Variants in ZNF438 observed in about 807,000 individuals in gnomAD.
ZNF438 encodes zinc finger protein 438.
A neutral mutation model predicts 38.0 loss-of-function variants in ZNF438; 25 were observed. The ratio of observed to expected loss-of-function variants is 0.66; its 90% CI spans 0.48 to 0.92. The LOEUF (loss-of-function observed/expected upper bound fraction) is 0.92, where lower values mean the gene tolerates loss of function less well. Among genes scored for constraint, ZNF438 ranks in the 40% least tolerant of loss-of-function variants. The pLI, the probability that ZNF438 is intolerant of heterozygous loss-of-function variation, is 0.00. For missense variants in ZNF438, 1,007 were observed against 999.6 expected, an observed-to-expected ratio of 1.01 and a Z score of -0.10; for synonymous variants, 372 against 364.1, an observed-to-expected ratio of 1.02 and a Z score of -0.25.
intron 1 of ZNF438, among the ~76,000 whole-genome samples, chr10:31,005,281 G>A (rs188199959): frequency 3.1e-4 from 47 of 152,080 alleles, no homozygotes; most frequent in Non-Finnish European, 2.9e-4. Flanking sequence ...ATGTGTGTGT[G>A]TATATATATA....
chr10:30,878,407 G>C (rs921381578), intron 3 of ZNF438, among the ~76,000 whole-genome samples: 7 of 152,068 alleles, frequency 4.6e-5, no homozygotes, highest in Admixed American at 2.6e-4. Context: ...TCTGACTTCA[G>C]GGAAGATTAC....
At chr10:30,856,421 C>T (rs1209547352) in intron 4 of ZNF438, among the ~76,000 whole-genome samples, 1 of 152,048 alleles carries the variant, frequency 6.6e-6, no homozygotes, top group African/African-American at 2.4e-5. Context: ...AACAGGAGTC[C>T]TTACAGAAGC....
chr10:30,923,319 T>C (rs1472155965), intron 2 of ZNF438: 1 of 152,188 alleles, frequency 6.6e-6, no homozygotes, highest in Non-Finnish European at 1.5e-5. Flanking sequence ...GACCTCACTG[T>C]TTTTCCTGTA....
At chr10:30,896,192 A>C (rs1268406413) in intron 3 of ZNF438, among the ~76,000 whole-genome samples, 3 of 150,124 alleles carry the variant, frequency 2.0e-5, no homozygotes, top group Non-Finnish European at 4.4e-5. Flanking sequence ...GATACTTGGG[A>C]GGCTGAGGCA....
intron 3 of ZNF438, among the ~76,000 whole-genome samples, chr10:30,897,587 G>C (rs571338282): frequency 2.6e-5 from 4 of 152,286 alleles, no homozygotes; most frequent in Admixed American, 1.3e-4. Context: ...CATTAACAAA[G>C]CTGGCCTGAA....
intron 1 of ZNF438, among the ~76,000 whole-genome samples, chr10:30,984,747 TAA>T (rs2052585953): frequency 3.3e-5 from 5 of 152,222 alleles, no homozygotes; most frequent in African/African-American, 1.2e-4. Context: ...TGGAAATTAG[TAA>T]ACAGTCACAA....
intron 3 of ZNF438, among the ~76,000 whole-genome samples, chr10:30,902,952 G>A (rs574150798): frequency 1.4e-4 from 22 of 151,890 alleles, no homozygotes; most frequent in South Asian, 1.3e-3. Context: ...CCTTCCCTGC[G>A]GGGAGGCAGC....
At chr10:30,978,840 C>T (rs937595543) in intron 1 of ZNF438, among the ~76,000 whole-genome samples, 2 of 152,224 alleles carry the variant, frequency 1.3e-5, no homozygotes, top group African/African-American at 2.4e-5. Flanking sequence ...GGCTTCAAGT[C>T]ACCAGCTGCA....
intron 3 of ZNF438, among the ~76,000 whole-genome samples, chr10:30,901,177 C>T (rs1335328237): frequency 6.6e-6 from 1 of 152,226 alleles, no homozygotes; most frequent in Non-Finnish European, 1.5e-5. Flanking sequence ...CACACTCTTT[C>T]CCATGAGATC....
At chr10:30,851,554 T>A (rs1013552412) in intron 4 of ZNF438, among the ~76,000 whole-genome samples, 1 of 152,242 alleles carries the variant, frequency 6.6e-6, no homozygotes, top group African/African-American at 2.4e-5. Context: ...ATTTTCAAAT[T>A]TTGGAAAAGT....
chr10:30,943,377 G>A (rs977025526), intron 1 of ZNF438, among the ~76,000 whole-genome samples: 2 of 152,034 alleles, frequency 1.3e-5, no homozygotes, highest in Non-Finnish European at 2.9e-5. Context: ...AAGGGAGGAG[G>A]AGAGAAGAAG....
At chr10:30,943,322 G>C (rs191568801) in intron 1 of ZNF438, among the ~76,000 whole-genome samples, 47 of 152,168 alleles carry the variant, frequency 3.1e-4, no homozygotes, top group African/African-American at 1.1e-3. Flanking sequence ...GTAAAGTTGA[G>C]GGAATTCAGA....
rs960505760 is a variant in ZNF438 at position 30,967,711 on chromosome 10, T to C, written c.-191-26060A>G. Among the ~76,000 whole-genome samples the C allele has an allele frequency of 4.3e-4, 65 of 152,194 alleles. 2 individuals are homozygous for C. ...CAAAGGAATGAATATTTAGCCTATC[T>C]CATGAAGGAAGGAGCGATTTCTTGT... On this transcript the variant is annotated intron_variant, in intron 1 of 5. Transcript: ENST00000413025.
At chr10:30,938,714 T>C (rs907404974) in intron 2 of ZNF438, among the ~76,000 whole-genome samples, 1 of 152,262 alleles carries the variant, frequency 6.6e-6, no homozygotes, top group Non-Finnish European at 1.5e-5. Flanking sequence ...TAATCATATA[T>C]TGTTTTCAAT....
chr10:30,932,697 A>C (rs1009937232), intron 2 of ZNF438, among the ~76,000 whole-genome samples: 2 of 152,176 alleles, frequency 1.3e-5, no homozygotes. Flanking sequence ...CCCCAAAATG[A>C]TATGTTGAAG....
chr10:30,938,712 T>C (rs2046511369), intron 2 of ZNF438, among the ~76,000 whole-genome samples: 1 of 152,258 alleles, frequency 6.6e-6, no homozygotes, highest in South Asian at 2.1e-4. Context: ...ATTAATCATA[T>C]ATTGTTTTCA....
At position 30,928,728 on chromosome 10, in the gene ZNF438, G is replaced by T. The variant is rs1253427442; in HGVS notation, c.-115+12847C>A. 2.0e-5 allele frequency among the ~76,000 whole-genome samples: 3 copies of T among 152,010 alleles called. No homozygotes were observed. In the East Asian group the frequency reaches 5.8e-4, roughly 29 times the overall value. ...GTTAACTCTACCCTCCACTGTCCCC[G>T]AGTCCTGGTCTAGATTCTCTGTAGT... On this transcript the variant is annotated intron_variant, in intron 2 of 5. Transcript: ENST00000413025.
chr10:30,905,381 T>C (rs916485033), intron 3 of ZNF438, among the ~76,000 whole-genome samples: 2 of 152,254 alleles, frequency 1.3e-5, no homozygotes, highest in African/African-American at 2.4e-5. Context: ...CATCTTTTCA[T>C]GTGCTCATTG....
At chr10:30,986,994 A>C (rs1333351994) in intron 1 of ZNF438, among the ~76,000 whole-genome samples, 10 of 152,194 alleles carry the variant, frequency 6.6e-5, no homozygotes, top group Admixed American at 5.9e-4. Context: ...AACAGAAATA[A>C]ACTTGGACTT....
Sources: gnomAD v4.1 joint callset for allele counts (sites outside exome capture counted in the v4.1 genomes callset) on GRCh38, gnomAD v4.1.1 for gene constraint, MANE v1.5 for transcripts, NCBI Gene and HGNC (gene_info 2026-07-23, HGNC 2026-07-21) for gene names.